MYRIP: variants seen among roughly 807,000 people sequenced by gnomAD.
MYRIP encodes rab effector MyRIP.
In MYRIP, 49 loss-of-function variants were observed where a neutral mutation model predicts 98.0. The observed-to-expected ratio is 0.50, with a 90% CI of 0.40 to 0.63. The LOEUF (loss-of-function observed/expected upper bound fraction) is 0.63. MYRIP is among the 30% of genes least tolerant of loss of function. The pLI, the probability that MYRIP is intolerant of heterozygous loss-of-function variation, is 0.00. For synonymous variants in MYRIP, 404 were observed against 409.5 expected (o/e 0.99, Z 0.16); for missense variants, 1,004 against 1,058.2 (o/e 0.95, Z 0.71).
chr3:39,959,918 C>G (rs1945279266), intron 2 of MYRIP, among the ~76,000 whole-genome samples: 2 of 152,190 alleles, frequency 1.3e-5, no homozygotes, highest in Non-Finnish European at 2.9e-5. Context: ...TTAGTGCCCC[C>G]CATGTGAGCA....
At chr3:39,982,393 G>C (rs1318933059) in intron 2 of MYRIP, among the ~76,000 whole-genome samples, 1 of 152,078 alleles carries the variant, frequency 6.6e-6, no homozygotes, top group African/African-American at 2.4e-5. Context: ...TTCTGATGTT[G>C]CTTGACATTT....
chr3:40,247,407 A>G (rs373355848), intron 13 of MYRIP, among the ~76,000 whole-genome samples: 4 of 152,180 alleles, frequency 2.6e-5, no homozygotes, highest in East Asian at 1.9e-4. Flanking sequence ...CAGCAACCCC[A>G]TAAGTGAGCT....
At chr3:40,025,817 T>A (rs374581129) in intron 2 of MYRIP, among the ~76,000 whole-genome samples, 2 of 152,084 alleles carry the variant, frequency 1.3e-5, no homozygotes, top group African/African-American at 4.8e-5. Context: ...AAAGATCACA[T>A]GCTTCAAAGG....
At position 40,044,104 on chromosome 3, in the gene MYRIP, G is replaced by A; in HGVS notation, c.165G>A (p.Lys55=). Residue 55 remains lysine, a synonymous_variant, in exon 3 of 17, where the codon AAG becomes AAA. Transcript: ENST00000302541. ...EEGSKCSILS[K]HQQFVEHCCM... The stretch of plus-strand genomic sequence containing the variant: ...GCAGCAAGTGCAGCATCCTCTCGAA[G>A]CACCAGCAGTTTGTGGAGCACTGCT... 1 of 1,614,170 alleles carries A rather than the reference G, an allele frequency of 6.2e-7. No homozygotes were observed. The highest frequency in any genetic ancestry group is 1.1e-5 in the South Asian group (1 of 91,086).
intron 11 of MYRIP, among the ~76,000 whole-genome samples, chr3:40,214,235 TA>T (rs1441479492): frequency 1.3e-5 from 2 of 152,218 alleles, no homozygotes; most frequent in African/African-American, 4.8e-5. Context: ...TGGCTACTGA[TA>T]GGCCTCATCT....
intron 2 of MYRIP, among the ~76,000 whole-genome samples, chr3:39,934,184 C>T (rs1944605851): frequency 6.6e-6 from 1 of 152,108 alleles, no homozygotes; most frequent in Non-Finnish European, 1.5e-5. Context: ...GGATGCAGTT[C>T]AACCAACAAA....
chr3:40,148,950 A>C (rs1164223053), intron 3 of MYRIP, among the ~76,000 whole-genome samples: 4 of 152,162 alleles, frequency 2.6e-5, no homozygotes, highest in African/African-American at 9.7e-5. Flanking sequence ...TGAGAGCTCC[A>C]AGTTTGTGAG....
intron 2 of MYRIP, among the ~76,000 whole-genome samples, chr3:39,915,234 G>T (rs546627661): frequency 1.3e-5 from 2 of 152,078 alleles, no homozygotes; most frequent in East Asian, 3.9e-4. Flanking sequence ...CCAGTCATCT[G>T]GTTAGTAAAA....
intron 1 of MYRIP, among the ~76,000 whole-genome samples, chr3:39,826,516 A>G (rs1941271634): frequency 1.3e-5 from 2 of 152,050 alleles, no homozygotes; most frequent in Admixed American, 6.5e-5. Context: ...TGGTCAGATA[A>G]TGTATTTAAT....
At chr3:39,821,508 GGTTTTTTTTCTCT>G (rs1281831274) in intron 1 of MYRIP, among the ~76,000 whole-genome samples, 3 of 145,740 alleles carry the variant, frequency 2.1e-5, no homozygotes, top group Non-Finnish European at 4.4e-5. Context: ...TATTTCTTTG[GGTTTTTTTTCTCT>G]AATCTCTTAA....
intron 2 of MYRIP, among the ~76,000 whole-genome samples, chr3:39,953,593 A>T (rs748898238): frequency 6.6e-6 from 1 of 152,210 alleles, no homozygotes; most frequent in Non-Finnish European, 1.5e-5. Flanking sequence ...GAACAGCTCC[A>T]GTCTACAGCT....
chr3:39,924,114 T>C (rs1944361919), intron 2 of MYRIP, among the ~76,000 whole-genome samples: 1 of 152,032 alleles, frequency 6.6e-6, no homozygotes, highest in Non-Finnish European at 1.5e-5. Flanking sequence ...GTAAAAAATT[T>C]CATATTTAAG....
intron 2 of MYRIP, among the ~76,000 whole-genome samples, chr3:40,012,465 A>T (rs1210012435): frequency 6.6e-6 from 1 of 152,174 alleles, no homozygotes; most frequent in East Asian, 1.9e-4. Context: ...TTTTTGTCTC[A>T]CCAAAGTTGC....
intron 1 of MYRIP, among the ~76,000 whole-genome samples, chr3:39,883,185 C>A (rs987498226): frequency 6.6e-6 from 1 of 152,090 alleles, no homozygotes. Flanking sequence ...GGGGAGAGAT[C>A]CTATTGACAA....
intron 3 of MYRIP, among the ~76,000 whole-genome samples, chr3:40,130,893 A>T (rs1386669024): frequency 6.6e-6 from 1 of 151,900 alleles, no homozygotes. Context: ...GACCATCACA[A>T]CCCACTCATC....
rs775866842 is a variant in MYRIP at position 40,209,958 on chromosome 3, A to G, written c.1770A>G (p.Leu590=). The change falls in exon 11 of 17, where the codon TTA becomes TTG. Residue 590 remains leucine, a synonymous_variant. Transcript: ENST00000302541. ...AACGGAGAAACAGGCTGTACGAGTT[A>G]GCAATGAAAATGAGTGAAAAGGAGA... The part of the protein sequence containing the change: ...EEKRRNRLYE[L]AMKMSEKETS... The G allele has an allele frequency of 1.2e-6, 2 of 1,614,122 alleles. No homozygotes were observed. The highest frequency in any genetic ancestry group is 2.2e-5 in the East Asian group (1 of 44,876).
At chr3:40,015,081 A>G (rs945432918) in intron 2 of MYRIP, among the ~76,000 whole-genome samples, 3 of 152,176 alleles carry the variant, frequency 2.0e-5, no homozygotes, top group African/African-American at 7.2e-5. Flanking sequence ...TAAGAATGAG[A>G]GATGACCTCA....
At chr3:40,069,243 C>T (rs1430333544) in intron 3 of MYRIP, among the ~76,000 whole-genome samples, 2 of 152,144 alleles carry the variant, frequency 1.3e-5, no homozygotes, top group Non-Finnish European at 2.9e-5. Flanking sequence ...AGTGGTTGTA[C>T]AGAAGCTACG....
intron 10 of MYRIP, among the ~76,000 whole-genome samples, chr3:40,198,990 C>T (rs1951478220): frequency 6.6e-6 from 1 of 151,948 alleles, no homozygotes; most frequent in African/African-American, 2.4e-5. Flanking sequence ...TAAGATGAAG[C>T]CAGGAGTAAT....
Sources: gnomAD v4.1 joint callset for allele counts (sites outside exome capture counted in the v4.1 genomes callset) on GRCh38, gnomAD v4.1.1 for gene constraint, MANE v1.5 for transcripts, NCBI Gene and HGNC (gene_info 2026-07-23, HGNC 2026-07-21) for gene names.